Variants in XYLT1 observed in about 807,000 individuals in gnomAD.
The protein encoded by XYLT1 is beta-D-xylosyltransferase 1.
Under a neutral mutation model 91.3 loss-of-function variants are expected in XYLT1, and 36 were observed. The ratio of observed to expected loss-of-function variants is 0.39; its 90% CI spans 0.30 to 0.52. XYLT1 has a LOEUF of 0.52. Among genes scored for constraint, XYLT1 ranks in the 20% least tolerant of loss-of-function variants. The pLI is 0.68. For missense variants in XYLT1, 1,242 were observed against 1,284.5 expected, an observed-to-expected ratio of 0.97 and a Z score of 0.51; for synonymous variants, 588 against 532.0, an observed-to-expected ratio of 1.11 and a Z score of -1.45.
At chr16:17,405,387 T>G (rs2036020029) in intron 1 of XYLT1, among the ~76,000 whole-genome samples, 1 of 152,196 alleles carries the variant, frequency 6.6e-6, no homozygotes, top group African/African-American at 2.4e-5. Context: ...GCATCCGTGC[T>G]CGCAGCAGCC....
intron 2 of XYLT1, among the ~76,000 whole-genome samples, chr16:17,290,588 T>C (rs780569710): frequency 2.1e-4 from 32 of 152,258 alleles, no homozygotes; most frequent in Non-Finnish European, 4.4e-4. Context: ...CAAGGAGGTG[T>C]CAAAGCCTAC....
In XYLT1 at chr16:17,138,406, C is replaced by G; in HGVS notation, c.1713G>C (p.Trp571Cys). Residue 571 changes from tryptophan (W) to cysteine (C), a missense_variant, in exon 8 of 12, where the codon TGG (tryptophan) becomes TGC (cysteine). Trp to Cys is a radical substitution (Grantham distance 215, BLOSUM62 -2). This residue lies in a region of XYLT1 where 294 missense variants were observed against 376.0 expected (regional missense o/e 0.78). Coordinates refer to ENST00000261381, the MANE Select transcript of XYLT1 (RefSeq NM_022166.4). Reference sequence around the variant, plus strand: ...TGAAGTCATTGGGGGAGCAGCCGCACCAGTCCACGATGTGCTTGTACTGGC... The same window carrying G: ...TGAAGTCATTGGGGGAGCAGCCGCAGCAGTCCACGATGTGCTTGTACTGGC... ...CKCQYKHIVD[W>C]CGCSPNDFKP... 6.2e-7 allele frequency: 1 copy of G among 1,614,124 alleles called. No homozygotes were observed. The highest frequency in any genetic ancestry group is 8.5e-7 in the Non-Finnish European group (1 of 1,180,010).
intron 2 of XYLT1, among the ~76,000 whole-genome samples, chr16:17,275,016 A>T (rs1402952989): frequency 6.6e-6 from 1 of 152,100 alleles, no homozygotes; most frequent in Non-Finnish European, 1.5e-5. Context: ...GTCTCTACTG[A>T]AAATACAAAA....
chr16:17,359,657 A>G (rs902029861), intron 1 of XYLT1, among the ~76,000 whole-genome samples: 1 of 152,304 alleles, frequency 6.6e-6, no homozygotes, highest in Admixed American at 6.5e-5. Context: ...ATACCCAAGA[A>G]AACATGGAGG....
chr16:17,337,150 G>C (rs1396432719), intron 2 of XYLT1, among the ~76,000 whole-genome samples: 1 of 152,004 alleles, frequency 6.6e-6, no homozygotes, highest in Non-Finnish European at 1.5e-5. Context: ...TTCAGTGCAG[G>C]GAGACAGTGG....
intron 1 of XYLT1, among the ~76,000 whole-genome samples, chr16:17,445,156 A>G (rs2036576787): frequency 6.6e-6 from 1 of 152,104 alleles, no homozygotes; most frequent in Admixed American, 6.5e-5. Context: ...CCAACATGCC[A>G]GGCTAATTGT....
chr16:17,220,720 G>A (rs1244303546), intron 3 of XYLT1, among the ~76,000 whole-genome samples: 2 of 152,156 alleles, frequency 1.3e-5, no homozygotes, highest in African/African-American at 2.4e-5. Flanking sequence ...TGAGTCACCC[G>A]CCTCGGCCTC....
At chr16:17,203,641 ACCATTCATCCATTGCTCCAC>A (rs1426716916) in intron 3 of XYLT1, among the ~76,000 whole-genome samples, 1 of 151,724 alleles carries the variant, frequency 6.6e-6, no homozygotes, top group African/African-American at 2.4e-5. Flanking sequence ...TCCAAGTCCA[ACCATTCATCCATTGCTCCAC>A]CCATTCATCC....
At chr16:17,413,266 G>T (rs142074049) in intron 1 of XYLT1, among the ~76,000 whole-genome samples, 1 of 152,232 alleles carries the variant, frequency 6.6e-6, no homozygotes, top group African/African-American at 2.4e-5. Context: ...TGCACTGAGG[G>T]GACACTGGGC....
intron 1 of XYLT1, among the ~76,000 whole-genome samples, chr16:17,467,565 A>C (rs2036915423): frequency 6.6e-6 from 1 of 152,228 alleles, no homozygotes; most frequent in South Asian, 2.1e-4. Context: ...AGAGCTTGCA[A>C]ATCTTTTATG....
At chr16:17,278,169 C>G (rs1188953169) in intron 2 of XYLT1, among the ~76,000 whole-genome samples, 2 of 152,150 alleles carry the variant, frequency 1.3e-5, no homozygotes, top group Non-Finnish European at 2.9e-5. Flanking sequence ...GCCAGCCGTG[C>G]CCAGACTTCT....
intron 1 of XYLT1, among the ~76,000 whole-genome samples, chr16:17,392,353 G>A (rs897256154): frequency 6.6e-6 from 1 of 152,100 alleles, no homozygotes; most frequent in Non-Finnish European, 1.5e-5. Context: ...CTTCCTGGTC[G>A]TTGAGGTCTA....
rs1036671835 is a variant in XYLT1 at position 17,105,254 on chromosome 16, G to A, written c.*3441C>T. On this transcript the variant is annotated 3_prime_UTR_variant, in exon 12 of 12. Coordinates refer to ENST00000261381, the MANE Select transcript of XYLT1 (RefSeq NM_022166.4). ...AAACTAGAGAACCAGAGGGAAACAT[G>A]GTCTTCAGACACCCTACTTGTGCCC... The A allele has an allele frequency of 2.0e-5, 3 of 152,226 alleles. No individual in the cohort carries two copies. Among genetic ancestry groups the A allele is most frequent in the African/African-American group, 4.8e-5 (2 of 41,444 alleles). 9.4% of individuals were successfully genotyped at this position (152,226 alleles called of 1,614,324 possible).
At chr16:17,317,500 G>T (rs1444330956) in intron 2 of XYLT1, among the ~76,000 whole-genome samples, 1 of 151,298 alleles carries the variant, frequency 6.6e-6, no homozygotes, top group Admixed American at 6.6e-5. Context: ...GGGTATGGTA[G>T]CATGTGTCTG....
intron 2 of XYLT1, among the ~76,000 whole-genome samples, chr16:17,307,782 T>C (rs890485675): frequency 1.3e-5 from 2 of 152,146 alleles, no homozygotes; most frequent in African/African-American, 2.4e-5. Context: ...AGGCAGAGTC[T>C]ATAAATGGAA....
chr16:17,354,947 A>T (rs1351156325), intron 2 of XYLT1: 1 of 152,254 alleles, frequency 6.6e-6, no homozygotes, highest in Non-Finnish European at 1.5e-5. Flanking sequence ...GGGTTCCAAC[A>T]TCTCTTTAAC....
In XYLT1 at chr16:17,103,669, GT is replaced by G. The variant is rs1317672223; in HGVS notation, c.*5025del. 1 of 152,226 alleles carries G rather than the reference GT, an allele frequency of 6.6e-6. No homozygotes were observed. The highest frequency in any genetic ancestry group is 2.4e-5 in the African/African-American group (1 of 41,440). The allele number at this position is 152,226 out of a possible 1,614,324, so 9.4% of individuals were successfully genotyped here. On this transcript the variant is annotated 3_prime_UTR_variant, in exon 12 of 12. Coordinates refer to ENST00000261381, the MANE Select transcript of XYLT1 (RefSeq NM_022166.4). ...AAGTTGGAGGAACATGAGGGATGGA[GT>G]AGATGACGTTAGGGAGGGGGATGAC...
At chr16:17,246,275 A>G (rs910203417) in intron 3 of XYLT1, among the ~76,000 whole-genome samples, 3 of 152,342 alleles carry the variant, frequency 2.0e-5, no homozygotes, top group South Asian at 4.1e-4. Flanking sequence ...AACAATCCCT[A>G]CGTAGAGGTT....
intron 1 of XYLT1, among the ~76,000 whole-genome samples, chr16:17,411,831 C>T (rs1451551241): frequency 6.6e-6 from 1 of 152,200 alleles, no homozygotes; most frequent in Non-Finnish European, 1.5e-5. Flanking sequence ...CTGAAGGCCT[C>T]TGATGAGCAA....
Sources: allele counts gnomAD v4.1 joint callset (sites outside exome capture counted in the v4.1 genomes callset), GRCh38; gene constraint gnomAD v4.1.1; regional missense constraint gnomAD v4.1.1; transcripts MANE v1.5; gene names NCBI Gene and HGNC (gene_info 2026-07-23, HGNC 2026-07-21).